NFIB: variants seen among roughly 807,000 people sequenced by gnomAD.
The protein encoded by NFIB is nuclear factor I B, also known as nuclear factor 1 B-type.
A neutral mutation model predicts 61.5 loss-of-function variants in NFIB; 11 were observed. That is an observed-to-expected ratio of 0.18 (90% CI 0.11 to 0.30). The LOEUF is 0.30. Ranked by LOEUF, NFIB falls within the 10% of genes least tolerant of loss-of-function variation. The pLI, the probability that NFIB is intolerant of heterozygous loss-of-function variation, is 1.00. For synonymous variants in NFIB, 260 were observed against 216.5 expected, an observed-to-expected ratio of 1.20 and a Z score of -1.76; for missense variants, 471 against 608.9, an observed-to-expected ratio of 0.77 and a Z score of 2.38.
chr9:14,443,748 A>G, the NFIB span, among the ~76,000 whole-genome samples: 1 of 152,238 alleles, frequency 6.6e-6, no homozygotes, highest in African/African-American at 2.4e-5. Flanking sequence ...ATTCTAAAAT[A>G]TAAATCTAGT....
chr9:14,225,162 G>T (rs62532556), intron 2 of NFIB, among the ~76,000 whole-genome samples: 15,315 of 151,970 alleles, frequency 0.1, 903 homozygotes, highest in Non-Finnish European at 0.13. Flanking sequence ...AGAACAGAAG[G>T]TATTATTTAG....
chr9:14,146,822 C>A lies in NFIB; in HGVS notation c.807-15G>T, dbSNP rs1489906012. 1 of 1,601,316 alleles carries A rather than the reference C, an allele frequency of 6.2e-7. No homozygotes were observed. The highest frequency in any genetic ancestry group is 1.4e-5 in the African/African-American group (1 of 73,926). ...TGGGTCTTTTGCTGTTAAAATATGG[C>A]AATAGTTATATTAATGGGATTTCTG... On this transcript the variant is annotated splice_polypyrimidine_tract_variant and intron_variant, in intron 5 of 10. Coordinates refer to ENST00000380953, the MANE Select transcript of NFIB (RefSeq NM_001190737.2).
chr9:14,353,494 A>G (rs2061138674), intron 1 of NFIB, among the ~76,000 whole-genome samples: 1 of 152,166 alleles, frequency 6.6e-6, no homozygotes, highest in Admixed American at 6.5e-5. Flanking sequence ...GAATCTGAGC[A>G]TGAGGAGGAA....
At chr9:14,427,937 GT>G in the NFIB span, among the ~76,000 whole-genome samples, 60 of 43,416 alleles carry the variant, frequency 1.4e-3, no homozygotes, top group South Asian at 6.5e-3. Context: ...TAATTCAGTT[GT>G]TTTTTTTTTT....
intron 2 of NFIB, among the ~76,000 whole-genome samples, chr9:14,289,143 T>C (rs201472184): frequency 4.2e-4 from 61 of 145,884 alleles, no homozygotes; most frequent in East Asian, 2.8e-3. Flanking sequence ...TATATATACA[T>C]ATATATATAT....
chr9:14,462,736 G>A, the NFIB span, among the ~76,000 whole-genome samples: 3 of 152,118 alleles, frequency 2.0e-5, no homozygotes, highest in Non-Finnish European at 4.4e-5. Flanking sequence ...TAAAAGTGAG[G>A]CGTTCCTGAC....
chr9:14,180,382 T>C (rs1587369618), intron 2 of NFIB, among the ~76,000 whole-genome samples: 1 of 152,162 alleles, frequency 6.6e-6, no homozygotes, highest in Admixed American at 6.5e-5. Flanking sequence ...CAACATGGCT[T>C]TGTGGAGAGC....
chr9:14,388,999 G>A (rs1412000586), intron 1 of NFIB, among the ~76,000 whole-genome samples: 1 of 152,100 alleles, frequency 6.6e-6, no homozygotes, highest in Admixed American at 6.6e-5. Context: ...TAAGGGTTGG[G>A]GCCTGGACAT....
chr9:14,247,835 G>A (rs971439723), intron 2 of NFIB, among the ~76,000 whole-genome samples: 1 of 151,968 alleles, frequency 6.6e-6, no homozygotes, highest in Non-Finnish European at 1.5e-5. Context: ...ACTAAAAGCA[G>A]GAACAGGGTG....
chr9:14,283,087 T>C (rs2058485933), intron 2 of NFIB, among the ~76,000 whole-genome samples: 1 of 152,190 alleles, frequency 6.6e-6, no homozygotes, highest in African/African-American at 2.4e-5. Context: ...GGTTAAAGGA[T>C]TAAATAAATA....
At chr9:14,303,155 T>C (rs2059839947) in intron 2 of NFIB, among the ~76,000 whole-genome samples, 4 of 152,216 alleles carry the variant, frequency 2.6e-5, no homozygotes, top group Admixed American at 2.6e-4. Flanking sequence ...ACTGAAGTCC[T>C]CTCAAAATGT....
chr9:14,392,109 A>G (rs1564054370), intron 1 of NFIB, among the ~76,000 whole-genome samples: 1 of 152,128 alleles, frequency 6.6e-6, no homozygotes, highest in Non-Finnish European at 1.5e-5. Context: ...ATATGCCTCA[A>G]AACTTACAAG....
the NFIB span, among the ~76,000 whole-genome samples, chr9:14,528,052 C>T: frequency 2.6e-5 from 4 of 152,052 alleles, no homozygotes; most frequent in Admixed American, 2.6e-4. Flanking sequence ...CTAGTTTCAG[C>T]ATTTATCAGA....
At chr9:14,514,323 T>TAC in the NFIB span, among the ~76,000 whole-genome samples, 506 of 147,420 alleles carry the variant, frequency 3.4e-3, 4 homozygotes, top group African/African-American at 0.012. Flanking sequence ...CATACATACA[T>TAC]ACATACACAC....
chr9:14,221,053 C>A (rs151314738), intron 2 of NFIB, among the ~76,000 whole-genome samples: 1 of 152,110 alleles, frequency 6.6e-6, no homozygotes, highest in Non-Finnish European at 1.5e-5. Context: ...ATCCTGAGGT[C>A]AAGCCAAGCC....
At chr9:14,472,828 G>T in the NFIB span, among the ~76,000 whole-genome samples, 6 of 151,848 alleles carry the variant, frequency 4.0e-5, no homozygotes, top group Non-Finnish European at 7.4e-5. Flanking sequence ...GCGACAGAGC[G>T]AGACTCCGTC....
At chr9:14,095,642 A>G (rs2034653318) in intron 10 of NFIB, among the ~76,000 whole-genome samples, 1 of 152,156 alleles carries the variant, frequency 6.6e-6, no homozygotes, top group South Asian at 2.1e-4. Context: ...ACTAAATCAA[A>G]TAGAAATATA....
At chr9:14,481,620 G>T in the NFIB span, among the ~76,000 whole-genome samples, 1 of 151,916 alleles carries the variant, frequency 6.6e-6, no homozygotes, top group Admixed American at 6.6e-5. Context: ...GATTTCCCAA[G>T]GTCCCAAAAT....
chr9:14,279,101 T>C (rs1307970585), intron 2 of NFIB, among the ~76,000 whole-genome samples: 1 of 151,878 alleles, frequency 6.6e-6, no homozygotes, highest in Non-Finnish European at 1.5e-5. Context: ...GTGCCTACAA[T>C]TCACAAAGCC....
Sources: gnomAD v4.1 joint callset for allele counts (sites outside exome capture counted in the v4.1 genomes callset) on GRCh38, gnomAD v4.1.1 for gene constraint, MANE v1.5 for transcripts, NCBI Gene and HGNC (gene_info 2026-07-23, HGNC 2026-07-21) for gene names.